Variants in LPAR1 observed in about 807,000 individuals in gnomAD.
LPAR1 encodes the protein LPA receptor 1.
In LPAR1, 5 loss-of-function variants were observed where a neutral mutation model predicts 23.8. That is an observed-to-expected ratio of 0.21 (90% CI 0.11 to 0.44). The LOEUF (loss-of-function observed/expected upper bound fraction) is 0.44. Among genes scored for constraint, LPAR1 ranks in the 20% least tolerant of loss-of-function variants. The pLI, the probability that LPAR1 is intolerant of heterozygous loss-of-function variation, is 0.99. For missense variants in LPAR1, 311 were observed against 482.8 expected (o/e 0.64, Z 3.33); for synonymous variants, 160 against 164.7 (o/e 0.97, Z 0.22).
chr9:110,908,674 G>A (rs1055112714), intron 5 of LPAR1, among the ~76,000 whole-genome samples: 6 of 152,002 alleles, frequency 3.9e-5, no homozygotes, highest in Non-Finnish European at 5.9e-5. Flanking sequence ...CGACTTCCTA[G>A]GAGGCCTTGA....
chr9:110,882,783 G>A (rs1343078322), intron 5 of LPAR1, among the ~76,000 whole-genome samples: 1 of 152,124 alleles, frequency 6.6e-6, no homozygotes. Context: ...GAGACCTGAA[G>A]CAAATTATGT....
chr9:110,940,014 G>A (rs1017724465), intron 5 of LPAR1, among the ~76,000 whole-genome samples: 2 of 152,206 alleles, frequency 1.3e-5, no homozygotes, highest in Non-Finnish European at 2.9e-5. Context: ...TGGCACAGGT[G>A]TGCTTAAGGT....
intron 5 of LPAR1, among the ~76,000 whole-genome samples, chr9:110,930,837 C>A (rs557262042): frequency 1.6e-4 from 24 of 152,070 alleles, no homozygotes; most frequent in Non-Finnish European, 1.3e-4. Flanking sequence ...ATTTCTTGAA[C>A]CCGGGAGGCA....
At chr9:110,954,564 C>T (rs907992160) in intron 4 of LPAR1, among the ~76,000 whole-genome samples, 2 of 152,024 alleles carry the variant, frequency 1.3e-5, no homozygotes, top group Admixed American at 6.6e-5. Context: ...ATTATAAAAA[C>T]CTCAAGAAAA....
At chr9:110,893,325 G>A (rs976719003) in intron 5 of LPAR1, among the ~76,000 whole-genome samples, 1 of 152,104 alleles carries the variant, frequency 6.6e-6, no homozygotes, top group African/African-American at 2.4e-5. Context: ...TATAACGGTA[G>A]AAAATTAGAA....
chr9:110,922,884 G>C (rs1356442850), intron 5 of LPAR1, among the ~76,000 whole-genome samples: 4 of 150,212 alleles, frequency 2.7e-5, no homozygotes, highest in African/African-American at 7.3e-5. Context: ...TACATATGCA[G>C]AACGTGCAGG....
chr9:110,917,850 G>T, intron 5 of LPAR1, among the ~76,000 whole-genome samples: 1 of 151,424 alleles, frequency 6.6e-6, no homozygotes, highest in Non-Finnish European at 1.5e-5. Flanking sequence ...CCTTTTTCTT[G>T]CTTATTTTAA....
intron 4 of LPAR1, among the ~76,000 whole-genome samples, chr9:110,946,179 G>A (rs1430488061): frequency 1.3e-5 from 2 of 152,030 alleles, no homozygotes; most frequent in Non-Finnish European, 2.9e-5. Flanking sequence ...TCAGAAAAGA[G>A]TCAGAGATGA....
intron 2 of LPAR1, among the ~76,000 whole-genome samples, chr9:110,991,996 T>TG (rs920459781): frequency 3.4e-5 from 3 of 88,784 alleles, no homozygotes; most frequent in Non-Finnish European, 7.1e-5. Flanking sequence ...TTTAAAAGCT[T>TG]GTTTTTTTTT....
chr9:111,016,030 A>G (rs140042508), intron 2 of LPAR1, among the ~76,000 whole-genome samples: 502 of 152,086 alleles, frequency 3.3e-3, no homozygotes, highest in Middle Eastern at 0.01. Context: ...CCTAACATAT[A>G]ATGCTAATCC....
At position 110,892,814 on chromosome 9, in the gene LPAR1, AAGGAAGGAAGGAAGGC is replaced by A. The variant is rs1357069451; in HGVS notation, c.794-17108_794-17093del. ...GAAGGAAGGAAGGAAGGAAGGAAGGAAGGAAGGAAGGAAGGCAGGCAGGCAGGCAGGCAGGCAGGCA... is the reference window on the plus strand; with the variant it reads ...GAAGGAAGGAAGGAAGGAAGGAAGGAAGGCAGGCAGGCAGGCAGGCAGGCA... On this transcript the variant is annotated intron_variant, in intron 5 of 5. Coordinates refer to ENST00000683809, the MANE Select transcript of LPAR1 (RefSeq NM_001351411.2). Among the ~76,000 whole-genome samples, 388 of 102,598 alleles carry A rather than the reference AAGGAAGGAAGGAAGGC, an allele frequency of 3.8e-3. 1 individual carries two copies. The highest frequency in any genetic ancestry group is 9.2e-3 in the African/African-American group (214 of 23,148). The allele number at this position is 102,598 out of a possible 152,430, so 67.3% of individuals were successfully genotyped here.
intron 5 of LPAR1, among the ~76,000 whole-genome samples, chr9:110,888,547 G>A (rs1437331615): frequency 1.4e-5 from 2 of 144,682 alleles, no homozygotes; most frequent in Non-Finnish European, 3.0e-5. Flanking sequence ...GACTAGGGAT[G>A]CAGCAATGAA....
chr9:110,881,450 A>T (rs535135897), intron 5 of LPAR1, among the ~76,000 whole-genome samples: 89 of 152,226 alleles, frequency 5.8e-4, no homozygotes, highest in African/African-American at 2.0e-3. Context: ...CCACAATGCT[A>T]CTTTCCTGTG....
chr9:111,007,032 CAACT>C (rs1005557372), intron 2 of LPAR1, among the ~76,000 whole-genome samples: 11 of 152,018 alleles, frequency 7.2e-5, no homozygotes, highest in Non-Finnish European at 1.6e-4. Flanking sequence ...CACCTCACCC[CAACT>C]AACTCACTCC....
At position 110,875,488 on chromosome 9, in the gene LPAR1, C is replaced by A. The variant is rs546256005; in HGVS notation, c.1028G>T (p.Arg343Leu). The change falls in exon 6 of 6, where the codon CGC becomes CTC. Residue 343 changes from arginine (R) to leucine (L), a missense_variant. Arg to Leu is a moderately radical substitution (Grantham distance 102, BLOSUM62 -2). Transcript: ENST00000683809. ...NPTGPTEGSD[R>L]SASSLNHTIL... Reference sequence around the variant, plus strand: ...GGTGTGGTTGAGGGAGGAAGCCGAGCGGTCTGAGCCTTCTGTGGGGCCGGT... The same window carrying A: ...GGTGTGGTTGAGGGAGGAAGCCGAGAGGTCTGAGCCTTCTGTGGGGCCGGT... 12 of 1,613,854 alleles carry A rather than the reference C, an allele frequency of 7.4e-6. No homozygotes were observed. The highest frequency in any genetic ancestry group is 1.3e-5 in the African/African-American group (1 of 74,902).
chr9:110,939,526 G>A (rs1382625063), intron 5 of LPAR1, among the ~76,000 whole-genome samples: 2 of 152,088 alleles, frequency 1.3e-5, no homozygotes, highest in African/African-American at 4.8e-5. Context: ...TATTATTTCT[G>A]TTATTTTAAA....
chr9:111,012,800 G>A (rs1210096949), intron 2 of LPAR1, among the ~76,000 whole-genome samples: 1 of 152,088 alleles, frequency 6.6e-6, no homozygotes. Flanking sequence ...TATGCCAGAA[G>A]AGAGGAGAGG....
chr9:110,911,848 C>T (rs529564899), intron 5 of LPAR1, among the ~76,000 whole-genome samples: 1 of 152,288 alleles, frequency 6.6e-6, no homozygotes, highest in South Asian at 2.1e-4. Context: ...ACCAAATCTG[C>T]AATATCTCCA....
chr9:110,911,919 T>C (rs980514630), intron 5 of LPAR1, among the ~76,000 whole-genome samples: 1 of 152,096 alleles, frequency 6.6e-6, no homozygotes, highest in African/African-American at 2.4e-5. Flanking sequence ...TTAACACTTA[T>C]AATACAGAAA....
Sources: allele counts gnomAD v4.1 joint callset (sites outside exome capture counted in the v4.1 genomes callset), GRCh38; gene constraint gnomAD v4.1.1; transcripts MANE v1.5; gene names NCBI Gene and HGNC (gene_info 2026-07-23, HGNC 2026-07-21).